The following CDHR2 variants were observed in gnomAD, a reference collection of about 807,000 sequenced individuals.
CDHR2 encodes the protein cadherin related family member 2, also known as cadherin-related family member 2.
A neutral mutation model predicts 138.6 loss-of-function variants in CDHR2; 104 were observed. The ratio of observed to expected loss-of-function variants is 0.75; its 90% CI spans 0.64 to 0.88. The LOEUF (loss-of-function observed/expected upper bound fraction) is 0.88. Ranked by LOEUF, CDHR2 falls within the 40% of genes least tolerant of loss-of-function variation. The pLI, the probability that CDHR2 is intolerant of heterozygous loss-of-function variation, is 0.00. For missense variants in CDHR2, 1,624 were observed against 1,727.6 expected (o/e 0.94, Z 1.06); for synonymous variants, 755 against 742.8 (o/e 1.02, Z -0.27).
intron 5 of CDHR2, among the ~76,000 whole-genome samples, chr5:176,569,976 C>T (rs1028836330): frequency 7.2e-6 from 1 of 139,254 alleles, no homozygotes; most frequent in Non-Finnish European, 1.6e-5. Flanking sequence ...AAAAAAATTA[C>T]AGATAAAACG....
In CDHR2 at chr5:176,565,730, G is replaced by C; in HGVS notation, c.111G>C (p.Glu37Asp). 6.2e-7 allele frequency: 1 copy of C among 1,613,824 alleles called. No homozygotes were observed. The highest frequency in any genetic ancestry group is 1.3e-5 in the African/African-American group (1 of 75,038). ...LANMTSVILP[E>D]DLPVGAQAFW... ...ACATGACGTCAGTGATCCTGCCTGA[G>C]GACCTGCCTGTGGGTGAGTCCCGGT... The change falls in exon 3 of 32, where the codon GAG (glutamate) becomes GAC (aspartate). Residue 37 changes from glutamate (E) to aspartate (D), a missense_variant. Physicochemically the swap from Glu to Asp is conservative, Grantham distance 45 (BLOSUM62 2). Coordinates refer to ENST00000261944, the MANE Select transcript of CDHR2 (RefSeq NM_017675.6).
chr5:176,567,087 A>G (rs1758101508), intron 3 of CDHR2: 1 of 450,850 alleles, frequency 2.2e-6, no homozygotes, highest in South Asian at 1.6e-5. Flanking sequence ...CCCTGTGTCC[A>G]GTTCTAGTCA....
At position 176,590,121 on chromosome 5, in the gene CDHR2, A is replaced by C; in HGVS notation, c.3250A>C (p.Ile1084Leu). 1.2e-6 allele frequency: 2 copies of C among 1,613,860 alleles called. No individual in the cohort carries two copies. Among genetic ancestry groups the C allele is most frequent in the Admixed American group, 1.7e-5 (1 of 60,026 alleles). The change falls in exon 25 of 32, where the codon ATT (isoleucine) becomes CTT (leucine). Residue 1084 changes from isoleucine to leucine, a missense_variant. Coordinates refer to ENST00000261944, the MANE Select transcript of CDHR2 (RefSeq NM_017675.6). Reference sequence around the variant, plus strand: ...CAGGACTACAGTATACATTGTGGACATTCAGGACATAGATTCTGCAGCTCG... The same window carrying C: ...CAGGACTACAGTATACATTGTGGACCTTCAGGACATAGATTCTGCAGCTCG... ...ATRTTVYIVDIQDIDSAARAR... is the reference protein window; with the variant it reads ...ATRTTVYIVDLQDIDSAARAR...
chr5:176,580,176 ACACT>A (rs1156551053), intron 16 of CDHR2, among the ~76,000 whole-genome samples: 2 of 125,974 alleles, frequency 1.6e-5, no homozygotes, highest in Non-Finnish European at 3.5e-5. Flanking sequence ...GCACTCACAC[ACACT>A]CACACACGCA....
chr5:176,584,405 C>T lies in CDHR2; in HGVS notation c.2129-5C>T. 2 of 1,597,936 alleles carry T rather than the reference C, an allele frequency of 1.3e-6. No individual in the cohort carries two copies. The highest frequency in any genetic ancestry group is 1.3e-5 in the African/African-American group (1 of 74,898). ...GTCCTTCTGAGCTCTGCCCCTTGTC[C>T]ACAGGAGTGCTAGTGGGCGTGGTGA... On this transcript the variant is annotated splice_region_variant and splice_polypyrimidine_tract_variant and intron_variant, in intron 18 of 31. Transcript: ENST00000261944.
intron 31 of CDHR2, among the ~76,000 whole-genome samples, chr5:176,595,309 G>A (rs56279183): frequency 0.036 from 5,503 of 152,252 alleles, 142 homozygotes; most frequent in Non-Finnish European, 0.053. Flanking sequence ...AAAGGCAAGA[G>A]TGAATCCCCC....
rs1192518674 is a variant in CDHR2, at chr5:176,575,989, C to T, written c.998C>T (p.Ala333Val). 3 of 1,613,864 alleles carry T rather than the reference C, an allele frequency of 1.9e-6. No homozygotes were observed. The highest frequency in any genetic ancestry group is 1.6e-4 in the Middle Eastern group (1 of 6,084). Reference sequence around the variant, plus strand: ...CACCTCAACATCTACGGGCAGGAGGCCAAGGTGAGCATCTGGGTGACAGTG... The same window carrying T: ...CACCTCAACATCTACGGGCAGGAGGTCAAGGTGAGCATCTGGGTGACAGTG... ...ETHLNIYGQE[A>V]KVSIWVTVRV... The change falls in exon 12 of 32, where the codon GCC (alanine) becomes GTC (valine). Residue 333 changes from alanine to valine, a missense_variant. Physicochemically the swap from Ala to Val is moderately conservative, Grantham distance 64 (BLOSUM62 0). This residue lies in a region of CDHR2 where 1,061 missense variants were observed against 1,136.6 expected (regional missense o/e 0.93). Transcript: ENST00000261944.
chr5:176,547,446 T>C (rs1028695975), upstream of CDHR2: 3 of 152,298 alleles, frequency 2.0e-5, no homozygotes, highest in Admixed American at 6.5e-5. Context: ...GAGAAGCTCT[T>C]GTTGTCTAGG....
chr5:176,577,648 A>G lies in CDHR2; in HGVS notation c.1362A>G (p.Thr454=). 1.2e-6 allele frequency: 2 copies of G among 1,614,200 alleles called. No homozygotes were observed. The highest frequency in any genetic ancestry group is 1.7e-6 in the Non-Finnish European group (2 of 1,180,024). The change falls in exon 14 of 32, where the codon ACA becomes ACG. Residue 454 remains threonine, a synonymous_variant. Coordinates refer to ENST00000261944, the MANE Select transcript of CDHR2 (RefSeq NM_017675.6). ...QTAMAVQVVA[T]DSVSQNFSVA... Reference sequence around the variant, plus strand: ...TCCCCTGCCCCCAGGTTGTGGCCACAGACTCCGTCAGCCAGAACTTCTCCG... The same window carrying G: ...TCCCCTGCCCCCAGGTTGTGGCCACGGACTCCGTCAGCCAGAACTTCTCCG...
Position 176,577,766 on chromosome 5 carries a change from G to A in CDHR2, c.1480G>A (p.Ala494Thr), listed in dbSNP as rs1392873867. 1.2e-5 allele frequency: 19 copies of A among 1,614,044 alleles called. No homozygotes were observed. Among genetic ancestry groups the A allele is most frequent in the South Asian group, 2.2e-5 (2 of 91,086 alleles). Residue 494 changes from alanine to threonine, a missense_variant, in exon 14 of 32, where the codon GCC (alanine) becomes ACC (threonine). Physicochemically the swap from Ala to Thr is moderately conservative, Grantham distance 58 (BLOSUM62 0). Around this residue, in one of 3 missense-constraint regions of CDHR2, gnomAD observed 1,061 missense variants for 1,136.6 expected, o/e 0.93. Transcript: ENST00000261944. ...CGTCCTCACGGTGCCAGAGCACAGC[G>A]CCACCGGCTCTGTGGTCACCGACAG... The part of the protein sequence containing the change: ...LYVLTVPEHS[A>T]TGSVVTDSIH...
chr5:176,562,762 G>A (rs947636847), intron 1 of CDHR2, among the ~76,000 whole-genome samples: 2 of 152,190 alleles, frequency 1.3e-5, no homozygotes, highest in Non-Finnish European at 2.9e-5. Flanking sequence ...GTGCTGGACA[G>A]TGTGGCTACA....
At position 176,584,650 on chromosome 5, in the gene CDHR2, C is replaced by A. The variant is rs768145205; in HGVS notation, c.2369C>A (p.Thr790Asn). The A allele has an allele frequency of 1.2e-6, 2 of 1,613,658 alleles. No individual in the cohort carries two copies. The highest frequency in any genetic ancestry group is 1.3e-5 in the African/African-American group (1 of 75,020). The change falls in exon 19 of 32, where the codon ACC (threonine) becomes AAC (asparagine). Residue 790 changes from threonine (T) to asparagine (N), a missense_variant. Physicochemically the swap from Thr to Asn is moderately conservative, Grantham distance 65. Around this residue, in one of 3 missense-constraint regions of CDHR2, gnomAD observed 1,061 missense variants for 1,136.6 expected, o/e 0.93. Transcript: ENST00000261944. The part of the protein sequence containing the change: ...AENPDPQGGE[T>N]IVDVCVNVKD... ...AACCCAGACCCCCAGGGGGGTGAGA[C>A]CATAGTAGACGTCTGCGTGAATGTG... is the stretch of plus-strand genomic sequence containing the variant.
intron 19 of CDHR2, 152 bp from the exon 20 acceptor site, chr5:176,585,802 G>A: frequency 1.5e-6 from 1 of 654,204 alleles, no homozygotes; most frequent in Non-Finnish European, 2.7e-6. Context: ...CGGGGCACGG[G>A]GTTGAGGCTG....
chr5:176,574,094 G>T lies in CDHR2; in HGVS notation c.417G>T (p.Val139=), dbSNP rs1356253022. ...FSTSINETLP[V]GSVVFSVLAV... ...GTCCCTCCCTGCAGACCCTGCCCGTGGGCAGTGTGGTGTTCTCCGTGCTGG... is the reference window on the plus strand; with the variant it reads ...GTCCCTCCCTGCAGACCCTGCCCGTTGGCAGTGTGGTGTTCTCCGTGCTGG... The change falls in exon 7 of 32, where the codon GTG becomes GTT. Residue 139 remains valine, a synonymous_variant. Transcript: ENST00000261944. 11 of 1,613,778 alleles carry T rather than the reference G, an allele frequency of 6.8e-6. No homozygotes were observed. Among genetic ancestry groups the T allele is most frequent in the Non-Finnish European group, 9.3e-6 (11 of 1,179,820 alleles).
At chr5:176,548,702 CA>C (rs1757639833), upstream of CDHR2, among the ~76,000 whole-genome samples, 1 of 152,034 alleles carries the variant, frequency 6.6e-6, no homozygotes. Context: ...AAGATTGTGC[CA>C]CTTCACTCCA....
intron 3 of CDHR2, among the ~76,000 whole-genome samples, chr5:176,566,716 A>G (rs1174017755): frequency 1.3e-5 from 2 of 152,196 alleles, no homozygotes; most frequent in Non-Finnish European, 2.9e-5. Flanking sequence ...TCACAGAAGG[A>G]GGAAGGGGAC....
chr5:176,548,991 C>T (rs1757646247), upstream of CDHR2, among the ~76,000 whole-genome samples: 1 of 152,152 alleles, frequency 6.6e-6, no homozygotes, highest in Admixed American at 6.5e-5. Flanking sequence ...CCCCACTTGT[C>T]CACAGATCCC....
At chr5:176,568,549 G>C in intron 3 of CDHR2, 129 bp from the exon 4 acceptor site, 1 of 952,234 alleles carries the variant, frequency 1.1e-6, no homozygotes, top group Non-Finnish European at 1.5e-6. Flanking sequence ...TGGTTGGGGA[G>C]GTCCCAGATG....
At chr5:176,580,131 C>T (rs1758492217) in intron 16 of CDHR2, among the ~76,000 whole-genome samples, 1 of 151,796 alleles carries the variant, frequency 6.6e-6, no homozygotes, top group East Asian at 1.9e-4. Flanking sequence ...CTCACGCACG[C>T]ACTCACACAC....
Sources: allele counts gnomAD v4.1 joint callset (sites outside exome capture counted in the v4.1 genomes callset), GRCh38; gene constraint gnomAD v4.1.1; regional missense constraint gnomAD v4.1.1; transcripts MANE v1.5; gene names NCBI Gene and HGNC (gene_info 2026-07-23, HGNC 2026-07-21).